The following ATP2B2 variants were observed in gnomAD, a reference collection of about 807,000 sequenced individuals.
The protein encoded by ATP2B2 is plasma membrane calcium-transporting ATPase 2.
A neutral mutation model predicts 120.0 loss-of-function variants in ATP2B2; 15 were observed. The ratio of observed to expected loss-of-function variants is 0.12; its 90% CI spans 0.08 to 0.19. ATP2B2 has a LOEUF of 0.19. ATP2B2 is among the 10% of genes least tolerant of loss of function. The pLI is 1.00. For missense variants in ATP2B2, 1,045 were observed against 1,719.8 expected (o/e 0.61, Z 6.94); for synonymous variants, 694 against 700.3 (o/e 0.99, Z 0.14).
intron 3 of ATP2B2, among the ~76,000 whole-genome samples, chr3:10,408,798 C>G (rs2062507373): frequency 6.6e-6 from 1 of 152,186 alleles, no homozygotes; most frequent in Non-Finnish European, 1.5e-5. Context: ...CCCTCCACCA[C>G]CTGCTATCTG....
intron 5 of ATP2B2, among the ~76,000 whole-genome samples, chr3:10,388,645 G>T (rs2061754375): frequency 6.6e-6 from 1 of 152,054 alleles, no homozygotes; most frequent in Non-Finnish European, 1.5e-5. Context: ...ACATCTCCAG[G>T]CCCACCACCT....
At chr3:10,627,098 C>A (rs573703991) in intron 1 of ATP2B2, among the ~76,000 whole-genome samples, 1 of 152,280 alleles carries the variant, frequency 6.6e-6, no homozygotes, top group East Asian at 1.9e-4. Flanking sequence ...TAATTCTCAC[C>A]CTCCCAGCAT....
chr3:10,369,312 A>G (rs1392661557), intron 12 of ATP2B2, among the ~76,000 whole-genome samples: 1 of 152,108 alleles, frequency 6.6e-6, no homozygotes, highest in Non-Finnish European at 1.5e-5. Flanking sequence ...AGCCCCTGAG[A>G]GGCTTTTTGC....
intron 1 of ATP2B2, among the ~76,000 whole-genome samples, chr3:10,637,387 G>A (rs1489636403): frequency 6.6e-6 from 1 of 152,040 alleles, no homozygotes; most frequent in Non-Finnish European, 1.5e-5. Context: ...AGCAGACCAG[G>A]GCATTGTAAC....
chr3:10,510,308 G>A (rs1029313707), upstream of ATP2B2, among the ~76,000 whole-genome samples: 14 of 152,320 alleles, frequency 9.2e-5, no homozygotes, highest in African/African-American at 2.9e-4. Flanking sequence ...ACAAAACCCT[G>A]GGAGGTGGAT....
intron 1 of ATP2B2, among the ~76,000 whole-genome samples, chr3:10,485,886 C>T (rs1344265241): frequency 2.6e-5 from 4 of 152,066 alleles, no homozygotes; most frequent in African/African-American, 9.7e-5. Context: ...GTGCCAGAAC[C>T]CTGTGAGATC....
rs572813584 is a variant in ATP2B2, at chr3:10,337,570, G to A, written c.3420+606C>T. Among the ~76,000 whole-genome samples, 42 of 152,276 alleles carry A rather than the reference G, an allele frequency of 2.8e-4. No homozygotes were observed. In the South Asian group the frequency reaches 3.3e-3, roughly 12 times the overall value. On this transcript the variant is annotated intron_variant, in intron 22 of 22. Transcript: ENST00000360273. The stretch of plus-strand genomic sequence containing the variant: ...TGGCAGCCATGCTCTCTCTGCTCTG[G>A]GGAAGAAACCTGCTTCTGGCTGGCT...
intron 5 of ATP2B2, among the ~76,000 whole-genome samples, chr3:10,391,820 CTCAG>C (rs2061860139): frequency 6.6e-6 from 1 of 152,222 alleles, no homozygotes; most frequent in Non-Finnish European, 1.5e-5. Flanking sequence ...GTCCAAACCA[CTCAG>C]TCAGTGTCCC....
chr3:10,333,052 C>T (rs560785021), intron 22 of ATP2B2, among the ~76,000 whole-genome samples: 1 of 152,334 alleles, frequency 6.6e-6, no homozygotes, highest in Non-Finnish European at 1.5e-5. Context: ...GTGCGTCTGT[C>T]TGCTGAGGCC....
rs578071534 is a variant in ATP2B2, at chr3:10,459,550, T to G, written c.-319-9688A>C. On this transcript the variant is annotated intron_variant, in intron 1 of 22. Transcript: ENST00000360273. ...CTGCTGCACTGAAATTCTTGAGGTC[T>G]TCTTTGCAGCACTGGCTGCCTCCAG... Among the ~76,000 whole-genome samples the G allele has an allele frequency of 2.0e-5, 3 of 152,382 alleles. No homozygotes were observed. In the East Asian group the frequency reaches 5.8e-4, roughly 29 times the overall value.
chr3:10,491,953 T>C (rs1159171489), intron 1 of ATP2B2, among the ~76,000 whole-genome samples: 9 of 152,160 alleles, frequency 5.9e-5, no homozygotes, highest in African/African-American at 2.2e-4. Flanking sequence ...GGGAAAAAAG[T>C]GCATCCCAGA....
At chr3:10,540,706 C>A in intron 2 of ATP2B2, among the ~76,000 whole-genome samples, 1 of 112,896 alleles carries the variant, frequency 8.9e-6, no homozygotes, top group Non-Finnish European at 1.7e-5. Context: ...ACATCACACA[C>A]TGGGGCCTGT....
At chr3:10,666,347 T>G (rs573740374) in intron 1 of ATP2B2, among the ~76,000 whole-genome samples, 1 of 152,230 alleles carries the variant, frequency 6.6e-6, no homozygotes, top group Non-Finnish European at 1.5e-5. Context: ...TTGAGCCAGA[T>G]GCCAGACCTG....
intron 2 of ATP2B2, among the ~76,000 whole-genome samples, chr3:10,572,547 T>C (rs1051090563): frequency 2.0e-5 from 3 of 152,226 alleles, no homozygotes; most frequent in African/African-American, 4.8e-5. Flanking sequence ...AAATACCACA[T>C]AGTGCCTGGC....
At chr3:10,566,669 A>G (rs1489134759) in intron 2 of ATP2B2, among the ~76,000 whole-genome samples, 1 of 152,226 alleles carries the variant, frequency 6.6e-6, no homozygotes, top group Non-Finnish European at 1.5e-5. Context: ...GGCTAAATAA[A>G]TACATTCATA....
At position 10,410,610 on chromosome 3, in the gene ATP2B2, C is replaced by T. The variant is rs1314325307; in HGVS notation, c.397+8G>A. 6.2e-7 allele frequency: 1 copy of T among 1,600,164 alleles called. No homozygotes were observed. Among genetic ancestry groups the T allele is most frequent in the Admixed American group, 1.7e-5 (1 of 59,284 alleles). On this transcript the variant is annotated splice_region_variant and intron_variant, in intron 3 of 22. Coordinates refer to ENST00000360273, the MANE Select transcript of ATP2B2 (RefSeq NM_001001331.4). The stretch of plus-strand genomic sequence containing the variant: ...CGGGGCGGTTCGTGGGTCTGAGGCC[C>T]ATCTTACCTTCGTTGCCCTCGCCGG...
intron 12 of ATP2B2, among the ~76,000 whole-genome samples, chr3:10,364,281 GAA>G (rs1300388937): frequency 5.9e-5 from 9 of 152,178 alleles, no homozygotes; most frequent in African/African-American, 2.2e-4. Context: ...TTTGCAACCT[GAA>G]AAGAGTTCTG....
chr3:10,413,195 C>T (rs539752530), intron 2 of ATP2B2, among the ~76,000 whole-genome samples: 3 of 152,328 alleles, frequency 2.0e-5, no homozygotes, highest in East Asian at 3.9e-4. Flanking sequence ...CCTGGCTGCC[C>T]GTGGATGTCA....
chr3:10,341,743 C>T (rs1458765187), intron 19 of ATP2B2, among the ~76,000 whole-genome samples: 1 of 152,176 alleles, frequency 6.6e-6, no homozygotes, highest in Admixed American at 6.5e-5. Flanking sequence ...CCGACCAGGA[C>T]CCCCGCTCTC....
Sources: allele counts gnomAD v4.1 joint callset (sites outside exome capture counted in the v4.1 genomes callset), GRCh38; gene constraint gnomAD v4.1.1; transcripts MANE v1.5; gene names NCBI Gene and HGNC (gene_info 2026-07-23, HGNC 2026-07-21).